NEGR1: variants seen among roughly 807,000 people sequenced by gnomAD.
The protein encoded by NEGR1 is neuronal growth regulator 1, also known as IgLON family member 4.
Under a neutral mutation model 40.9 loss-of-function variants are expected in NEGR1, and 10 were observed. The ratio of observed to expected loss-of-function variants is 0.24; its 90% confidence interval spans 0.15 to 0.42. The LOEUF (loss-of-function observed/expected upper bound fraction) is 0.42. Ranked by LOEUF, NEGR1 falls within the 10% of genes least tolerant of loss-of-function variation. NEGR1 has a pLI of 1.00. For missense variants in NEGR1, 352 were observed against 438.9 expected (o/e 0.80, Z 1.77); for synonymous variants, 185 against 166.8 (o/e 1.11, Z -0.84).
At chr1:72,253,023 T>C (rs1202008663) in intron 1 of NEGR1, among the ~76,000 whole-genome samples, 4 of 152,210 alleles carry the variant, frequency 2.6e-5, no homozygotes, top group South Asian at 2.1e-4. Context: ...AAGAAATAGT[T>C]TGATAAGTAT....
intron 6 of NEGR1, among the ~76,000 whole-genome samples, chr1:71,551,802 C>T (rs960673932): frequency 1.3e-5 from 2 of 151,550 alleles, no homozygotes; most frequent in Non-Finnish European, 1.5e-5. Flanking sequence ...AATGTTTCCT[C>T]TGCAATTTCA....
At chr1:71,646,958 A>C (rs1467472897) in intron 4 of NEGR1, among the ~76,000 whole-genome samples, 2 of 151,950 alleles carry the variant, frequency 1.3e-5, no homozygotes, top group Non-Finnish European at 2.9e-5. Flanking sequence ...CACTAAGACA[A>C]TAGTGAACTA....
At position 71,955,947 on chromosome 1, in the gene NEGR1, T is replaced by C. The variant is rs968612983; in HGVS notation, c.177-20636A>G. The stretch of plus-strand genomic sequence containing the variant: ...TTCACACATTGTCTATATAAAACAT[T>C]TGCTTTGTTTTAAAAATGAAGATGT... On this transcript the variant is annotated intron_variant, in intron 1 of 6. Transcript: ENST00000357731. 3.9e-5 allele frequency among the ~76,000 whole-genome samples: 6 copies of C among 152,280 alleles called. No homozygotes were observed. In the East Asian group the frequency reaches 1.2e-3, roughly 29 times the overall value.
intron 3 of NEGR1, among the ~76,000 whole-genome samples, chr1:71,755,102 T>A (rs1655688897): frequency 6.6e-6 from 1 of 152,342 alleles, no homozygotes; most frequent in Admixed American, 6.5e-5. Context: ...ACAGAAATTC[T>A]GATTTTTCTT....
intron 1 of NEGR1, among the ~76,000 whole-genome samples, chr1:72,094,129 C>T (rs778145743): frequency 3.9e-5 from 6 of 152,068 alleles, no homozygotes; most frequent in African/African-American, 7.2e-5. Flanking sequence ...ATGTGTTGGG[C>T]GCTCTGATGC....
chr1:71,767,294 G>A (rs1203055247), intron 3 of NEGR1, among the ~76,000 whole-genome samples: 1 of 152,092 alleles, frequency 6.6e-6, no homozygotes, highest in Non-Finnish European at 1.5e-5. Flanking sequence ...AGGCTGATGG[G>A]GTCTCAGATA....
At chr1:71,692,678 T>C (rs377528411) in intron 4 of NEGR1, among the ~76,000 whole-genome samples, 9 of 151,968 alleles carry the variant, frequency 5.9e-5, no homozygotes, top group Admixed American at 5.3e-4. Flanking sequence ...TTCCGTATAA[T>C]TGTACTAAGT....
At chr1:72,016,587 G>A (rs951464897) in intron 1 of NEGR1, among the ~76,000 whole-genome samples, 2 of 152,188 alleles carry the variant, frequency 1.3e-5, no homozygotes, top group African/African-American at 4.8e-5. Flanking sequence ...AGGCCAAACT[G>A]AAGGTGTTTG....
rs57576840 is a variant in NEGR1 at position 71,780,040 on chromosome 1, C to CAAAAAAAAA, written c.410-3752_410-3744dup. Among the ~76,000 whole-genome samples the CAAAAAAAAA allele has an allele frequency of 1.1e-3, 113 of 99,726 alleles. 1 individual carries two copies. Among genetic ancestry groups the CAAAAAAAAA allele is most frequent in the African/African-American group, 4.7e-3 (100 of 21,200 alleles). 65.4% of individuals were successfully genotyped at this position (99,726 alleles called of 152,430 possible). ...GTGCTAAGCACTTGCATAGGAAAACCAAAAAAAAAAAAAAAAAAAAAAAAA... is the reference window on the plus strand; with the variant it reads ...GTGCTAAGCACTTGCATAGGAAAACCAAAAAAAAAAAAAAAAAAAAAAAAAAAAAAAAAA... On this transcript the variant is annotated intron_variant, in intron 2 of 6. Transcript: ENST00000357731.
intron 6 of NEGR1, among the ~76,000 whole-genome samples, chr1:71,558,979 A>T (rs1318504714): frequency 6.8e-6 from 1 of 146,438 alleles, no homozygotes; most frequent in African/African-American, 2.5e-5. Context: ...ATGTATACAC[A>T]TATCATTTAT....
chr1:71,621,454 G>A lies in NEGR1; in HGVS notation c.668-10308C>T, dbSNP rs72677170. Among the ~76,000 whole-genome samples, 914 of 151,648 alleles carry A rather than the reference G, an allele frequency of 6.0e-3. 5 individuals are homozygous for A. Among genetic ancestry groups the A allele is most frequent in the Non-Finnish European group, 9.7e-3 (656 of 67,778 alleles). ...CAGTTACATTAAACATATTGATGAG[G>A]TCATTTTCTTTTTCACAAGAAAGAC... On this transcript the variant is annotated intron_variant, in intron 4 of 6. Coordinates refer to ENST00000357731, the MANE Select transcript of NEGR1 (RefSeq NM_173808.3).
chr1:71,722,343 A>C (rs1316455177), intron 3 of NEGR1, among the ~76,000 whole-genome samples: 2 of 152,064 alleles, frequency 1.3e-5, no homozygotes, highest in Non-Finnish European at 2.9e-5. Flanking sequence ...AATTATTTTA[A>C]TTTATTTTTA....
At chr1:71,586,687 C>T (rs977827657) in intron 6 of NEGR1, among the ~76,000 whole-genome samples, 1 of 152,038 alleles carries the variant, frequency 6.6e-6, no homozygotes. Flanking sequence ...ACTAAATGAC[C>T]ATTTGGTGTC....
chr1:71,790,524 T>C (rs1322428415), intron 2 of NEGR1, among the ~76,000 whole-genome samples: 1 of 151,908 alleles, frequency 6.6e-6, no homozygotes, highest in Non-Finnish European at 1.5e-5. Context: ...TTTACATAAA[T>C]ATAAAAAATG....
intron 1 of NEGR1, among the ~76,000 whole-genome samples, chr1:72,211,263 A>C (rs187855956): frequency 9.7e-4 from 148 of 151,860 alleles, no homozygotes; most frequent in Middle Eastern, 3.4e-3. Flanking sequence ...ACAACAACAA[A>C]AAAATCTAGC....
At chr1:71,729,749 C>T (rs1438833830) in intron 3 of NEGR1, among the ~76,000 whole-genome samples, 1 of 152,014 alleles carries the variant, frequency 6.6e-6, no homozygotes, top group Non-Finnish European at 1.5e-5. Flanking sequence ...ATTCTTCCAC[C>T]TCAGCCTCCC....
intron 2 of NEGR1, among the ~76,000 whole-genome samples, chr1:71,795,503 G>T (rs1223846100): frequency 1.3e-5 from 2 of 151,974 alleles, no homozygotes. Context: ...CTATACTCAA[G>T]AAATTCCCAA....
intron 4 of NEGR1, among the ~76,000 whole-genome samples, chr1:71,652,062 G>A (rs1267078932): frequency 6.6e-6 from 1 of 152,046 alleles, no homozygotes; most frequent in Non-Finnish European, 1.5e-5. Context: ...AGAAACTAAG[G>A]CTCAGAAAGG....
chr1:71,531,484 T>A (rs1647353950), intron 6 of NEGR1, among the ~76,000 whole-genome samples: 1 of 151,396 alleles, frequency 6.6e-6, no homozygotes, highest in South Asian at 2.1e-4. Context: ...CTAGCAAGAT[T>A]ATGATCTCAT....
Sources: allele counts gnomAD v4.1 joint callset (sites outside exome capture counted in the v4.1 genomes callset), GRCh38; gene constraint gnomAD v4.1.1; transcripts MANE v1.5; gene names NCBI Gene and HGNC (gene_info 2026-07-23, HGNC 2026-07-21).